Variants in CDK14 observed in about 807,000 individuals in gnomAD.
CDK14 encodes the protein cyclin dependent kinase 14.
In CDK14, 34 loss-of-function variants were observed where a neutral mutation model predicts 60.7. The observed-to-expected ratio is 0.56, with a 90% CI of 0.43 to 0.75. The LOEUF (loss-of-function observed/expected upper bound fraction) is 0.75. Ranked by LOEUF, CDK14 falls within the 30% of genes least tolerant of loss-of-function variation. CDK14 has a pLI of 0.00. For missense variants in CDK14, 482 were observed against 564.1 expected (o/e 0.85, Z 1.47); for synonymous variants, 197 against 203.7 (o/e 0.97, Z 0.28).
At chr7:90,928,844 G>C (rs1353659961) in intron 8 of CDK14, among the ~76,000 whole-genome samples, 1 of 152,216 alleles carries the variant, frequency 6.6e-6, no homozygotes, top group African/African-American at 2.4e-5. Flanking sequence ...AGGCAGGCAG[G>C]CTTCCTTGAG....
At chr7:90,727,743 C>A (rs902257036) in intron 3 of CDK14, among the ~76,000 whole-genome samples, 2 of 152,100 alleles carry the variant, frequency 1.3e-5, no homozygotes, top group African/African-American at 4.8e-5. Context: ...ATCAGATAAT[C>A]TATCAGTTTT....
At chr7:90,819,637 T>C (rs941856967) in intron 5 of CDK14, among the ~76,000 whole-genome samples, 1 of 152,168 alleles carries the variant, frequency 6.6e-6, no homozygotes, top group Admixed American at 6.6e-5. Context: ...TTTTAAATCA[T>C]GTAAAATGCA....
At chr7:91,086,939 T>G (rs1798659423) in intron 12 of CDK14, among the ~76,000 whole-genome samples, 1 of 151,980 alleles carries the variant, frequency 6.6e-6, no homozygotes, top group Non-Finnish European at 1.5e-5. Flanking sequence ...TTTTAGCGTT[T>G]TTGTTTTGTT....
intron 7 of CDK14, among the ~76,000 whole-genome samples, chr7:90,900,977 C>T (rs1481568772): frequency 6.6e-6 from 1 of 152,126 alleles, no homozygotes; most frequent in Non-Finnish European, 1.5e-5. Context: ...TGAATTTTGT[C>T]CCATTTTTAC....
intron 6 of CDK14, among the ~76,000 whole-genome samples, chr7:90,889,754 A>G (rs1480529725): frequency 3.3e-5 from 5 of 152,174 alleles, no homozygotes; most frequent in Admixed American, 1.3e-4. Flanking sequence ...TAAAACATAA[A>G]CAGGCATTGT....
At chr7:90,909,247 A>G (rs907808465) in intron 7 of CDK14, among the ~76,000 whole-genome samples, 3 of 152,282 alleles carry the variant, frequency 2.0e-5, no homozygotes, top group Admixed American at 2.0e-4. Flanking sequence ...AAACTTGACA[A>G]TGACAGAGTA....
chr7:90,999,362 G>A (rs1239252879), intron 10 of CDK14, among the ~76,000 whole-genome samples: 3 of 152,074 alleles, frequency 2.0e-5, no homozygotes, highest in Admixed American at 2.0e-4. Flanking sequence ...GTCGAGGTGG[G>A]CAGATCATGA....
intron 5 of CDK14, among the ~76,000 whole-genome samples, chr7:90,826,212 T>A (rs1789716965): frequency 6.6e-6 from 1 of 152,148 alleles, no homozygotes; most frequent in Non-Finnish European, 1.5e-5. Flanking sequence ...TCTTCAGTAT[T>A]TATTTATATT....
At chr7:91,052,306 C>G (rs1797415554) in intron 11 of CDK14, among the ~76,000 whole-genome samples, 1 of 152,196 alleles carries the variant, frequency 6.6e-6, no homozygotes. Flanking sequence ...CTCCCTGGGT[C>G]TCACTTCCTG....
intron 14 of CDK14, among the ~76,000 whole-genome samples, chr7:91,185,329 A>G (rs367584986): frequency 8.4e-4 from 48 of 57,218 alleles, no homozygotes; most frequent in Middle Eastern, 0.016. Flanking sequence ...GATAGCCCCT[A>G]TGCATCTCCT....
intron 5 of CDK14, among the ~76,000 whole-genome samples, chr7:90,814,918 T>G (rs756438936): frequency 2.0e-5 from 3 of 152,236 alleles, no homozygotes; most frequent in Non-Finnish European, 2.9e-5. Flanking sequence ...CTCTCTTGCC[T>G]TTTTAAAATT....
At chr7:91,181,905 A>C (rs1802014415) in intron 14 of CDK14, among the ~76,000 whole-genome samples, 1 of 152,146 alleles carries the variant, frequency 6.6e-6, no homozygotes. Context: ...ACAAATTGTG[A>C]GGTCACAATT....
chr7:91,112,618 C>G lies in CDK14; in HGVS notation c.1231C>G (p.Gln411Glu), dbSNP rs1562909474. 6.2e-7 allele frequency: 1 copy of G among 1,613,716 alleles called. No individual in the cohort carries two copies. Among genetic ancestry groups the G allele is most frequent in the Non-Finnish European group, 8.5e-7 (1 of 1,179,892 alleles). ...TTCCCCAAAGAACAGACTGTCGGCA[C>G]AGGCTGCCTTGAGCCACGAGTATTT... ...QCSPKNRLSA[Q>E]AALSHEYFSD... is the part of the protein sequence containing the mutation. Residue 411 changes from glutamine to glutamate, a missense_variant, in exon 13 of 15, where the codon CAG becomes GAG. Coordinates refer to ENST00000380050, the MANE Select transcript of CDK14 (RefSeq NM_001287135.2).
At chr7:91,150,729 T>C (rs1800807857) in intron 14 of CDK14, among the ~76,000 whole-genome samples, 1 of 152,238 alleles carries the variant, frequency 6.6e-6, no homozygotes, top group Non-Finnish European at 1.5e-5. Context: ...TTAGAATTAC[T>C]GTTAATATTC....
At chr7:90,709,586 C>T in intron 2 of CDK14, 2 of 1,613,182 alleles carry the variant, frequency 1.2e-6, no homozygotes, top group South Asian at 1.1e-5. Context: ...AGCCCGGTTA[C>T]TCTGCCTTCG....
At chr7:91,025,602 C>A (rs1031227899) in intron 10 of CDK14, among the ~76,000 whole-genome samples, 2 of 152,174 alleles carry the variant, frequency 1.3e-5, no homozygotes, top group Non-Finnish European at 2.9e-5. Context: ...ATGGTTGCTG[C>A]CTTCTTCTGA....
At chr7:90,649,884 A>C (rs374786579) in intron 2 of CDK14, among the ~76,000 whole-genome samples, 7 of 152,116 alleles carry the variant, frequency 4.6e-5, no homozygotes, top group Admixed American at 3.9e-4. Context: ...GGTTGGTTCC[A>C]AGTCTGCTAT....
At chr7:91,081,314 C>T (rs1798477244) in intron 12 of CDK14, among the ~76,000 whole-genome samples, 1 of 152,186 alleles carries the variant, frequency 6.6e-6, no homozygotes, top group South Asian at 2.1e-4. Context: ...AAAAGAACTA[C>T]ATTAAAAGAC....
chr7:90,807,579 G>A (rs192355035), intron 5 of CDK14, among the ~76,000 whole-genome samples: 134 of 152,324 alleles, frequency 8.8e-4, no homozygotes, highest in Middle Eastern at 6.8e-3. Context: ...CCAAAGGAAT[G>A]CAGCTCCTCA....
Sources: gnomAD v4.1 joint callset for allele counts (sites outside exome capture counted in the v4.1 genomes callset) on GRCh38, gnomAD v4.1.1 for gene constraint, MANE v1.5 for transcripts, NCBI Gene and HGNC (gene_info 2026-07-23, HGNC 2026-07-21) for gene names.